Variants in CACHD1 observed in about 807,000 individuals in gnomAD.
CACHD1 encodes the protein VWFA and cache domain-containing protein 1.
CACHD1 carries 71 observed loss-of-function variants against 138.7 expected under a neutral mutation model. The ratio of observed to expected loss-of-function variants is 0.51; its 90% confidence interval spans 0.42 to 0.62. The LOEUF (loss-of-function observed/expected upper bound fraction) is 0.62. Ranked by LOEUF, CACHD1 falls within the 20% of genes least tolerant of loss-of-function variation. The probability of loss-of-function intolerance (pLI) is 0.00; values close to 1 mark genes in which losing one functional copy is unlikely to be tolerated. For synonymous variants in CACHD1, 578 were observed against 591.5 expected (o/e 0.98, Z 0.33); for missense variants, 1,389 against 1,625.3 (o/e 0.85, Z 2.50).
At position 64,470,200 on chromosome 1, in the gene CACHD1, T is replaced by G. The variant is rs74080173; in HGVS notation, c.-545T>G. Reference sequence around the variant, plus strand: ...GCCTCCCTTTCCCCACCGCTTGCTTTCTTTCTTTCAGTTGTGTGGGTTTGT... The same window carrying G: ...GCCTCCCTTTCCCCACCGCTTGCTTGCTTTCTTTCAGTTGTGTGGGTTTGT... On this transcript the variant is annotated 5_prime_UTR_variant, in exon 1 of 27. Transcript: ENST00000651257. The surrounding 1 kb of genome is among the most constrained non-coding windows in gnomAD (Gnocchi z 5.2). Among the ~76,000 whole-genome samples, 4,282 of 151,982 alleles carry G rather than the reference T, an allele frequency of 0.028. 205 individuals are homozygous for G. The highest frequency in any genetic ancestry group is 0.095 in the African/African-American group (3,950 of 41,446).
intron 1 of CACHD1, among the ~76,000 whole-genome samples, chr1:64,485,095 C>T (rs763090983): frequency 1.3e-5 from 2 of 152,186 alleles, no homozygotes; most frequent in African/African-American, 2.4e-5. Flanking sequence ...CAGCAATGCA[C>T]AAGGGTTCTA....
intron 2 of CACHD1, among the ~76,000 whole-genome samples, chr1:64,568,081 CATT>C (rs1181760928): frequency 1.3e-5 from 2 of 152,164 alleles, no homozygotes; most frequent in Non-Finnish European, 2.9e-5. Flanking sequence ...CCCAATTCAT[CATT>C]ATTCCATTAT....
chr1:64,620,285 T>C (rs902177876), intron 4 of CACHD1, among the ~76,000 whole-genome samples: 6 of 152,206 alleles, frequency 3.9e-5, no homozygotes, highest in African/African-American at 1.4e-4. Context: ...CCTCCCTACC[T>C]ACATGTAGCT....
intron 1 of CACHD1, among the ~76,000 whole-genome samples, chr1:64,533,752 T>C (rs72673326): frequency 5.0e-4 from 21 of 42,048 alleles, no homozygotes; most frequent in African/African-American, 1.3e-3. Flanking sequence ...CTCTCTCTTT[T>C]TTTTTTTTTT....
chr1:64,661,442 T>C (rs1649437242), intron 13 of CACHD1, among the ~76,000 whole-genome samples: 1 of 152,192 alleles, frequency 6.6e-6, no homozygotes. Flanking sequence ...TAGCCTTTTC[T>C]AAAACGCCAG....
At chr1:64,631,608 T>G (rs899793559) in intron 5 of CACHD1, among the ~76,000 whole-genome samples, 2 of 152,196 alleles carry the variant, frequency 1.3e-5, no homozygotes, top group Admixed American at 6.5e-5. Context: ...AGAATTCTCT[T>G]GAGGCTGATT....
At chr1:64,527,127 T>G (rs1254219558) in intron 1 of CACHD1, among the ~76,000 whole-genome samples, 3 of 152,168 alleles carry the variant, frequency 2.0e-5, no homozygotes, top group African/African-American at 7.2e-5. Flanking sequence ...AAAAATAACT[T>G]GATTCTTACT....
intron 9 of CACHD1, among the ~76,000 whole-genome samples, chr1:64,650,616 G>A (rs1215389839): frequency 1.3e-5 from 2 of 152,144 alleles, no homozygotes; most frequent in African/African-American, 2.4e-5. Flanking sequence ...ATCAAGTGAT[G>A]CATTTAGTTG....
At chr1:64,506,750 GAGA>G (rs912313594) in intron 1 of CACHD1, among the ~76,000 whole-genome samples, 1 of 152,192 alleles carries the variant, frequency 6.6e-6, no homozygotes, top group African/African-American at 2.4e-5. Flanking sequence ...ACTGTGTTTA[GAGA>G]AGATGTTCAA....
At chr1:64,537,243 G>A (rs922421917) in intron 1 of CACHD1, among the ~76,000 whole-genome samples, 2 of 142,904 alleles carry the variant, frequency 1.4e-5, no homozygotes, top group African/African-American at 5.1e-5. Flanking sequence ...CCCTCACCCA[G>A]TACTTATGCT....
In CACHD1 at chr1:64,650,310, G is replaced by A. The variant is rs527301633; in HGVS notation, c.1391-1851G>A. On this transcript the variant is annotated intron_variant, in intron 9 of 26. Coordinates refer to ENST00000651257, the MANE Select transcript of CACHD1 (RefSeq NM_020925.4). ...TGTACTTTACTGATCTATGAAAATG[G>A]CTTTAATCCTAGACTAAAGCTCAGG... Among the ~76,000 whole-genome samples, 149 of 152,208 alleles carry A rather than the reference G, an allele frequency of 9.8e-4. 1 individual carries two copies. The highest frequency in any genetic ancestry group is 1.4e-3 in the Admixed American group (22 of 15,288).
chr1:64,505,464 C>A (rs1174780557), intron 1 of CACHD1, among the ~76,000 whole-genome samples: 1 of 152,094 alleles, frequency 6.6e-6, no homozygotes, highest in Non-Finnish European at 1.5e-5. Context: ...AGCGGCTCAG[C>A]GAAGGCCCTC....
At chr1:64,644,781 A>G (rs1648849000) in intron 8 of CACHD1, among the ~76,000 whole-genome samples, 1 of 152,206 alleles carries the variant, frequency 6.6e-6, no homozygotes, top group Non-Finnish European at 1.5e-5. Context: ...AACTGGAATA[A>G]AGAATTTGTT....
At chr1:64,588,075 T>C (rs1483120320) in intron 3 of CACHD1, among the ~76,000 whole-genome samples, 1 of 152,194 alleles carries the variant, frequency 6.6e-6, no homozygotes, top group Non-Finnish European at 1.5e-5. Flanking sequence ...GATGAGTTCC[T>C]GACCTGATGT....
intron 22 of CACHD1, 150 bp downstream of exon 22, chr1:64,677,161 C>T (rs1650019704): frequency 3.2e-6 from 2 of 634,562 alleles, no homozygotes; most frequent in East Asian, 2.9e-5. Context: ...CTCGTTCCCA[C>T]TTATTACCCG....
chr1:64,657,504 T>C (rs1649305394), intron 12 of CACHD1, among the ~76,000 whole-genome samples: 1 of 152,140 alleles, frequency 6.6e-6, no homozygotes, highest in Non-Finnish European at 1.5e-5. Flanking sequence ...GACTGTGAGA[T>C]TGAAAAGAGA....
Position 64,682,543 on chromosome 1 carries a change from CAAGAAG to C in CACHD1, c.3586+438_3586+443del, listed in dbSNP as rs1298854799. ...CTCAGAGAAGGCTTCACCAAAGAAG[CAAGAAG>C]CAACATTTGCACTGAGCCTTGAGGG... is the stretch of plus-strand genomic sequence containing the variant. On this transcript the variant is annotated intron_variant, in intron 26 of 26. Coordinates refer to ENST00000651257, the MANE Select transcript of CACHD1 (RefSeq NM_020925.4). Among the ~76,000 whole-genome samples, 3 of 152,060 alleles carry C rather than the reference CAAGAAG, an allele frequency of 2.0e-5. No individual in the cohort carries two copies. In the East Asian group the frequency reaches 5.8e-4, roughly 29 times the overall value.
At chr1:64,651,428 T>C (rs1229159647) in intron 9 of CACHD1, among the ~76,000 whole-genome samples, 1 of 152,198 alleles carries the variant, frequency 6.6e-6, no homozygotes. Context: ...AAGCATTCCT[T>C]TATCCATAGT....
At chr1:64,566,691 G>C (rs868731857) in intron 2 of CACHD1, among the ~76,000 whole-genome samples, 2 of 150,150 alleles carry the variant, frequency 1.3e-5, no homozygotes, top group South Asian at 4.2e-4. Flanking sequence ...TTTTTAAATG[G>C]TCTATCACTT....
Sources: allele counts gnomAD v4.1 joint callset (sites outside exome capture counted in the v4.1 genomes callset), GRCh38; gene constraint gnomAD v4.1.1; non-coding constraint Gnocchi (gnomAD v3.1); transcripts MANE v1.5; gene names NCBI Gene and HGNC (gene_info 2026-07-23, HGNC 2026-07-21).